SLC46A3: variants seen among roughly 807,000 people sequenced by gnomAD.
SLC46A3 encodes the protein solute carrier family 46 member 3, also known as lysosomal proton-coupled steroid conjugate and bile acid symporter SLC46A3.
Under a neutral mutation model 38.5 loss-of-function variants are expected in SLC46A3, and 26 were observed. The observed-to-expected ratio is 0.68, with a 90% confidence interval of 0.49 to 0.94. The LOEUF (loss-of-function observed/expected upper bound fraction) is 0.94. SLC46A3 is among the 40% of genes least tolerant of loss of function. SLC46A3 has a pLI of 0.00. For synonymous variants in SLC46A3, 185 were observed against 192.5 expected, an observed-to-expected ratio of 0.96 and a Z score of 0.32; for missense variants, 510 against 544.3, an observed-to-expected ratio of 0.94 and a Z score of 0.63.
In SLC46A3 at chr13:28,701,285, T is replaced by C; in HGVS notation, c.*212A>G. The stretch of plus-strand genomic sequence containing the variant: ...TGAAATTTGTTCTGTGTATTGCAAG[T>C]ATATTGCATGATACGCACAAAGTGC... On this transcript the variant is annotated 3_prime_UTR_variant, in exon 6 of 6. Coordinates refer to ENST00000266943, the MANE Select transcript of SLC46A3 (RefSeq NM_181785.4). 7.1e-7 allele frequency: 1 copy of C among 1,412,286 alleles called. No individual in the cohort carries two copies. Among genetic ancestry groups the C allele is most frequent in the Non-Finnish European group, 9.2e-7 (1 of 1,086,828 alleles). 87.5% of individuals were successfully genotyped at this position (1,412,286 alleles called of 1,614,324 possible). A position where few individuals can be genotyped will look rare whatever the true frequency, so the allele number is the denominator to read the frequency against.
At chr13:28,707,659 AT>A (rs1778289753) in intron 4 of SLC46A3, among the ~76,000 whole-genome samples, 1 of 152,002 alleles carries the variant, frequency 6.6e-6, no homozygotes, top group Non-Finnish European at 1.5e-5. Context: ...AAGCAGGTAA[AT>A]TTTTTTTCCC....
Position 28,712,623 on chromosome 13 carries a change from T to C in SLC46A3, c.1060+57A>G, listed in dbSNP as rs372533764. On this transcript the variant is annotated intron_variant, in intron 3 of 5. Coordinates refer to ENST00000266943, the MANE Select transcript of SLC46A3 (RefSeq NM_181785.4). ...AAGTTTCTCCCCCAGTAGACTAAATTCATTTTATATGAATATCAAATACAT... is the reference window on the plus strand; with the variant it reads ...AAGTTTCTCCCCCAGTAGACTAAATCCATTTTATATGAATATCAAATACAT... 5.9e-5 allele frequency: 86 copies of C among 1,464,188 alleles called. No homozygotes were observed. In the East Asian group the frequency reaches 1.4e-3, roughly 23 times the overall value. The allele number at this position is 1,464,188 out of a possible 1,614,324, so 90.7% of individuals were successfully genotyped here.
chr13:28,705,509 C>T (rs569920194), intron 4 of SLC46A3, among the ~76,000 whole-genome samples: 11 of 152,278 alleles, frequency 7.2e-5, no homozygotes, highest in Admixed American at 3.9e-4. Flanking sequence ...ATAAAACATA[C>T]GTCTATCTCT....
At chr13:28,704,757 A>G (rs1389459005) in intron 4 of SLC46A3, among the ~76,000 whole-genome samples, 3 of 152,200 alleles carry the variant, frequency 2.0e-5, no homozygotes, top group African/African-American at 7.2e-5. Flanking sequence ...GGTTTATGCC[A>G]CAGTTTAATG....
rs116630662 is a variant in SLC46A3, at chr13:28,708,523, C to T, written c.1144+2237G>A. 8.2e-3 allele frequency among the ~76,000 whole-genome samples: 1,240 copies of T among 151,918 alleles called. 16 individuals are homozygous for T. Among genetic ancestry groups the T allele is most frequent in the African/African-American group, 0.028 (1,179 of 41,432 alleles). Reference sequence around the variant, plus strand: ...TAAGAGTTCTTAAATATGCTGGATACGAGTTCCTGCTCAGACAAATATAAT... The same window carrying T: ...TAAGAGTTCTTAAATATGCTGGATATGAGTTCCTGCTCAGACAAATATAAT... On this transcript the variant is annotated intron_variant, in intron 4 of 5. Transcript: ENST00000266943.
At position 28,713,075 on chromosome 13, in the gene SLC46A3, A is replaced by G; in HGVS notation, c.665T>C (p.Val222Ala). The change falls in exon 3 of 6, where the codon GTG (valine) becomes GCG (alanine). Residue 222 changes from valine (V) to alanine (A), a missense_variant. Coordinates refer to ENST00000266943, the MANE Select transcript of SLC46A3 (RefSeq NM_181785.4). ...AACATTCTGAGATGAACACTCTTTCACTGGATCTCCGAGAAAAAATAAAAT... is the reference window on the plus strand; with the variant it reads ...AACATTCTGAGATGAACACTCTTTCGCTGGATCTCCGAGAAAAAATAAAAT... ...IYILFFLGDPVKECSSQNVTM... is the reference protein window; with the variant it reads ...IYILFFLGDPAKECSSQNVTM... 6.2e-7 allele frequency: 1 copy of G among 1,611,258 alleles called. No homozygotes were observed. Among genetic ancestry groups the G allele is most frequent in the Non-Finnish European group, 8.5e-7 (1 of 1,179,528 alleles).
intron 2 of SLC46A3, among the ~76,000 whole-genome samples, chr13:28,714,455 T>G (rs1019386209): frequency 6.6e-6 from 1 of 151,190 alleles, no homozygotes; most frequent in Non-Finnish European, 1.5e-5. Context: ...AAAAATAAAT[T>G]TAAAAAAACT....
intron 4 of SLC46A3, among the ~76,000 whole-genome samples, chr13:28,705,422 T>C (rs1380969633): frequency 6.6e-6 from 1 of 152,248 alleles, no homozygotes; most frequent in Non-Finnish European, 1.5e-5. Context: ...TTTTTATCTA[T>C]TTAAACTTTT....
In SLC46A3 at chr13:28,700,965, T is replaced by C. The variant is rs947027; in HGVS notation, c.*532A>G. 1 allele frequency: 1,533,105 copies of C among 1,533,174 alleles called. 766,518 individuals are homozygous for C. The highest frequency in any genetic ancestry group is 1 in the Middle Eastern group (5,772 of 5,772). 95.0% of individuals were successfully genotyped at this position (1,533,174 alleles called of 1,614,324 possible). On this transcript the variant is annotated 3_prime_UTR_variant, in exon 6 of 6. Transcript: ENST00000266943. ...TAGCAGCTTAACAGGCTCTATAAAA[T>C]AAAGCATTACCAAGTATAGGTAAAA...
In SLC46A3 at chr13:28,713,265, A is replaced by C. The variant is rs200845077; in HGVS notation, c.475T>G (p.Cys159Gly). The change falls in exon 3 of 6, where the codon TGT (cysteine) becomes GGT (glycine). Residue 159 changes from cysteine to glycine, a missense_variant. By Grantham distance (159) the Cys-to-Gly change is radical. Transcript: ENST00000266943. The part of the protein sequence containing the change: ...GACFAYIVDQ[C>G]KEHKQKTIRI... ...ATTGTTTTTTGTTTGTGTTCTTTAC[A>C]CTGATCAACTATATAGGCAAAGCAA... 43 of 1,613,908 alleles carry C rather than the reference A, an allele frequency of 2.7e-5. No individual in the cohort carries two copies. Among genetic ancestry groups the C allele is most frequent in the Middle Eastern group, 1.6e-4 (1 of 6,082 alleles).
chr13:28,718,073 G>C, intron 1 of SLC46A3, 51 bp from the exon 2 acceptor site: 1 of 1,451,342 alleles, frequency 6.9e-7, no homozygotes, highest in Non-Finnish European at 9.4e-7. Context: ...CCAGAGGCTA[G>C]ATATTCAAAG....
chr13:28,702,155 T>C (rs980686722), intron 5 of SLC46A3, among the ~76,000 whole-genome samples: 14 of 68,632 alleles, frequency 2.0e-4, no homozygotes, highest in African/African-American at 4.6e-4. Context: ...AAAAAATCTG[T>C]TTTTTTTTGG....
At chr13:28,701,995 A>G (rs1173691638) in intron 5 of SLC46A3, among the ~76,000 whole-genome samples, 1 of 152,198 alleles carries the variant, frequency 6.6e-6, no homozygotes, top group East Asian at 1.9e-4. Context: ...AAGCCCATCT[A>G]CTTTACCTTA....
intron 2 of SLC46A3, among the ~76,000 whole-genome samples, chr13:28,714,235 A>C (rs559055318): frequency 2.6e-5 from 4 of 152,052 alleles, no homozygotes; most frequent in South Asian, 4.1e-4. Flanking sequence ...GATTAGTGAG[A>C]AACATCTTCC....
At chr13:28,710,301 C>T (rs769386546) in intron 4 of SLC46A3, among the ~76,000 whole-genome samples, 3 of 152,190 alleles carry the variant, frequency 2.0e-5, no homozygotes, top group South Asian at 2.1e-4. Context: ...TAGAAGGAGT[C>T]GCCCCTTGGC....
Position 28,701,535 on chromosome 13 carries a change from T to TA in SLC46A3, c.1347dup (p.Ile450TyrfsTer7). On this transcript the variant is annotated frameshift_variant, in exon 6 of 6. Transcript: ENST00000266943. LOFTEE classifies it low-confidence loss of function (END_TRUNC). ...GCATCTTCACTGGATTCTTCTTGTATAAGAAGTTCATAGCTTCCCTCATTC... is the reference window on the plus strand; with the variant it reads ...GCATCTTCACTGGATTCTTCTTGTATAAAGAAGTTCATAGCTTCCCTCATTC... 6.2e-7 allele frequency: 1 copy of TA among 1,613,338 alleles called. No individual in the cohort carries two copies. Among genetic ancestry groups the TA allele is most frequent in the Non-Finnish European group, 8.5e-7 (1 of 1,179,412 alleles).
At chr13:28,717,744 T>C in intron 2 of SLC46A3, 66 bp downstream of exon 2, 1 of 1,496,782 alleles carries the variant, frequency 6.7e-7, no homozygotes, top group Non-Finnish European at 9.1e-7. Context: ...TTCACGGTCC[T>C]CTTTAACTCA....
chr13:28,712,982 G>T lies in SLC46A3; in HGVS notation c.758C>A (p.Ser253Tyr). Residue 253 changes from serine to tyrosine, a missense_variant, in exon 3 of 6, where the codon TCT (serine) becomes TAT (tyrosine). Ser to Tyr is a moderately radical substitution (Grantham distance 144, BLOSUM62 -2). Transcript: ENST00000266943. ...ACAGAGCAAAAATCGTCTCTTACCA[G>T]AAGCATTCTTAAAAAGCATGTAAGT... ...YRTYMLFKNA[S>Y]GKRRFLLCLL... The T allele has an allele frequency of 1.2e-6, 2 of 1,613,298 alleles. No homozygotes were observed. Among genetic ancestry groups the T allele is most frequent in the Non-Finnish European group, 1.7e-6 (2 of 1,179,846 alleles).
At chr13:28,713,934 A>G (rs1000954712) in intron 2 of SLC46A3, among the ~76,000 whole-genome samples, 3 of 152,212 alleles carry the variant, frequency 2.0e-5, no homozygotes, top group Non-Finnish European at 4.4e-5. Flanking sequence ...ATTTGTGCAT[A>G]AAACAGTTGC....
Sources: allele counts gnomAD v4.1 joint callset (sites outside exome capture counted in the v4.1 genomes callset), GRCh38; gene constraint gnomAD v4.1.1; transcripts MANE v1.5; gene names NCBI Gene and HGNC (gene_info 2026-07-23, HGNC 2026-07-21).